The following TPRG1 variants were observed in gnomAD, a reference collection of about 807,000 sequenced individuals.
TPRG1 encodes the protein tumor protein p63-regulated gene 1 protein.
A neutral mutation model predicts 29.3 loss-of-function variants in TPRG1; 29 were observed. The ratio of observed to expected loss-of-function variants is 0.99; its 90% CI spans 0.74 to 1.35. The LOEUF is 1.35. Among genes scored for constraint, TPRG1 ranks in the 40% most tolerant of loss-of-function variants. The probability of loss-of-function intolerance (pLI) is 0.00; values close to 1 mark genes in which losing one functional copy is unlikely to be tolerated. For missense variants in TPRG1, 327 were observed against 335.0 expected (o/e 0.98, Z 0.19); for synonymous variants, 130 against 116.8 (o/e 1.11, Z -0.73).
chr3:189,205,137 A>C (rs967912038), intron 1 of TPRG1, among the ~76,000 whole-genome samples: 3 of 152,190 alleles, frequency 2.0e-5, no homozygotes, highest in Non-Finnish European at 4.4e-5. Context: ...TTGGGAGGAC[A>C]CTTGCTGCTA....
chr3:189,264,579 A>G lies in TPRG1; in HGVS notation c.479+25670A>G, dbSNP rs1400213504. 2.6e-5 allele frequency among the ~76,000 whole-genome samples: 4 copies of G among 152,158 alleles called. No individual in the cohort carries two copies. The East Asian group carries it at 7.7e-4, about 29-fold the overall frequency. ...CTTTCACACTTTATTAAAAAGATTC[A>G]GCATGGTAGGAAGTGGGTTAAATTA... is the stretch of plus-strand genomic sequence containing the variant. On this transcript the variant is annotated intron_variant, in intron 4 of 5. Transcript: ENST00000345063.
At chr3:189,167,075 T>G (rs1193441512), upstream of TPRG1, among the ~76,000 whole-genome samples, 1 of 152,212 alleles carries the variant, frequency 6.6e-6, no homozygotes. Flanking sequence ...TTTTTTTCTC[T>G]GATGAAGGTG....
At chr3:189,008,197 G>A (rs73890942) in intron 3 of TPRG1, among the ~76,000 whole-genome samples, 6,522 of 152,064 alleles carry the variant, frequency 0.043, 454 homozygotes, top group African/African-American at 0.15. Context: ...AGTGGTGAGA[G>A]GGGCCAATGG....
chr3:189,311,481 G>A (rs558620183), intron 5 of TPRG1, among the ~76,000 whole-genome samples: 1 of 152,290 alleles, frequency 6.6e-6, no homozygotes, highest in Non-Finnish European at 1.5e-5. Flanking sequence ...ATATATGTAT[G>A]TGTGTGAAAA....
chr3:189,000,698 C>T (rs963290031), intron 1 of TPRG1: 1 of 151,734 alleles, frequency 6.6e-6, no homozygotes, highest in African/African-American at 2.4e-5. Context: ...GTAATTGTAG[C>T]TCTTTAATTC....
chr3:189,296,994 TTC>T (rs1720046394), intron 4 of TPRG1, among the ~76,000 whole-genome samples: 1 of 152,282 alleles, frequency 6.6e-6, no homozygotes, highest in African/African-American at 2.4e-5. Flanking sequence ...TCTTCTTTTT[TTC>T]TGAAACAGGA....
At position 189,325,184 on chromosome 3, in the gene TPRG1, C is replaced by G. The variant is rs1015225145; in HGVS notation, c.*4364C>G. On this transcript the variant is annotated 3_prime_UTR_variant, in exon 6 of 6. Transcript: ENST00000345063. The stretch of plus-strand genomic sequence containing the variant: ...CCACAAAAAGGAATTATGATATCCT[C>G]TGCTAAACCCTCTCTTTAGCCTCAA... The G allele has an allele frequency of 6.6e-6, 1 of 151,798 alleles. No homozygotes were observed. Among genetic ancestry groups the G allele is most frequent in the Admixed American group, 6.6e-5 (1 of 15,196 alleles). 9.4% of individuals were successfully genotyped at this position (151,798 alleles called of 1,614,324 possible). A position where few individuals can be genotyped will look rare whatever the true frequency, so the allele number is the denominator to read the frequency against.
intron 4 of TPRG1, chr3:189,240,547 A>C (rs1740382303): frequency 6.5e-6 from 1 of 153,196 alleles, no homozygotes; most frequent in Non-Finnish European, 1.5e-5. Context: ...GGTGAAAGGC[A>C]CATCTCACAC....
chr3:189,006,966 C>T (rs890157306), intron 3 of TPRG1, among the ~76,000 whole-genome samples: 2 of 152,084 alleles, frequency 1.3e-5, no homozygotes, highest in Non-Finnish European at 2.9e-5. Context: ...TAGGCATTAC[C>T]ATTCAGGACA....
At chr3:189,308,081 C>T (rs1721898779) in intron 4 of TPRG1, among the ~76,000 whole-genome samples, 1 of 152,176 alleles carries the variant, frequency 6.6e-6, no homozygotes, top group Admixed American at 6.5e-5. Context: ...ATTCACACAG[C>T]ATGACTGAGG....
At chr3:189,157,750 T>C (rs1247756733) in intron 5 of TPRG1, among the ~76,000 whole-genome samples, 2 of 152,158 alleles carry the variant, frequency 1.3e-5, no homozygotes, top group African/African-American at 4.8e-5. Context: ...AAATTTGTGG[T>C]ATGAATGCCC....
chr3:189,298,546 T>G (rs1577000386), intron 4 of TPRG1, among the ~76,000 whole-genome samples: 1 of 152,186 alleles, frequency 6.6e-6, no homozygotes. Flanking sequence ...CTTCTTTTAT[T>G]ACATAAAAGT....
At chr3:189,138,715 T>C (rs1724107038) in intron 3 of TPRG1, among the ~76,000 whole-genome samples, 1 of 152,194 alleles carries the variant, frequency 6.6e-6, no homozygotes, top group African/African-American at 2.4e-5. Flanking sequence ...TCCAGGGAAT[T>C]AGAGGCTAAG....
At chr3:189,226,324 T>A (rs1009649144) in intron 3 of TPRG1, among the ~76,000 whole-genome samples, 15 of 152,084 alleles carry the variant, frequency 9.9e-5, no homozygotes, top group Admixed American at 9.8e-4. Context: ...TCATACAGAG[T>A]ATGTTCTCTG....
chr3:189,234,004 G>A (rs186412806), intron 3 of TPRG1, among the ~76,000 whole-genome samples: 5 of 152,196 alleles, frequency 3.3e-5, no homozygotes, highest in African/African-American at 1.2e-4. Flanking sequence ...TCAGGTAGCT[G>A]GGACTATAGC....
chr3:189,191,617 T>C (rs918807460), intron 1 of TPRG1, among the ~76,000 whole-genome samples: 60 of 152,220 alleles, frequency 3.9e-4, no homozygotes, highest in African/African-American at 1.4e-3. Flanking sequence ...TTTTCTCAGA[T>C]TTGGTGTCTT....
chr3:189,126,492 T>C (rs1274119352), intron 1 of TPRG1, among the ~76,000 whole-genome samples: 1 of 152,204 alleles, frequency 6.6e-6, no homozygotes, highest in East Asian at 1.9e-4. Context: ...TCCCCTGGTA[T>C]GTTGTGAGGG....
intron 4 of TPRG1, among the ~76,000 whole-genome samples, chr3:189,289,898 A>G (rs140704154): frequency 1.5e-3 from 234 of 152,332 alleles, no homozygotes; most frequent in African/African-American, 5.3e-3. Context: ...TACTACAAGA[A>G]GCCACAGGAT....
intron 4 of TPRG1, among the ~76,000 whole-genome samples, chr3:189,077,125 T>C (rs907770420): frequency 6.6e-6 from 1 of 152,148 alleles, no homozygotes; most frequent in South Asian, 2.1e-4. Flanking sequence ...TGTTCCGCAG[T>C]TTTTTAAAGT....
Sources: gnomAD v4.1 joint callset for allele counts (sites outside exome capture counted in the v4.1 genomes callset) on GRCh38, gnomAD v4.1.1 for gene constraint, MANE v1.5 for transcripts, NCBI Gene and HGNC (gene_info 2026-07-23, HGNC 2026-07-21) for gene names.